RNF217: variants seen among roughly 807,000 people sequenced by gnomAD.
RNF217 encodes E3 ubiquitin-protein ligase RNF217.
In RNF217, 31 loss-of-function variants were observed where a neutral mutation model predicts 57.8. The observed-to-expected ratio is 0.54, with a 90% confidence interval of 0.40 to 0.72. The LOEUF (loss-of-function observed/expected upper bound fraction) is 0.72, where lower values mean the gene tolerates loss of function less well. Among genes scored for constraint, RNF217 ranks in the 30% least tolerant of loss-of-function variants. RNF217 has a pLI of 0.00. For synonymous variants in RNF217, 313 were observed against 294.0 expected (o/e 1.06, Z -0.66); for missense variants, 696 against 708.3 (o/e 0.98, Z 0.20).
rs150476150 is a variant in RNF217, at chr6:124,967,020, C to T, written c.882+3594C>T. On this transcript the variant is annotated intron_variant, in intron 1 of 5. Transcript: ENST00000521654. Reference sequence around the variant, plus strand: ...GCTGCCATCCAGTTTCTGATCGCCACGGTGAAGAGGTGAGCTGACAGATTA... The same window carrying T: ...GCTGCCATCCAGTTTCTGATCGCCATGGTGAAGAGGTGAGCTGACAGATTA... Among the ~76,000 whole-genome samples the T allele has an allele frequency of 2.4e-3, 360 of 152,280 alleles. 2 individuals carry two copies. The highest frequency in any genetic ancestry group is 8.0e-3 in the African/African-American group (333 of 41,556).
chr6:125,071,484 ATGTGTGTGTGTGTG>A (rs61496685), intron 3 of RNF217, among the ~76,000 whole-genome samples: 3,052 of 136,806 alleles, frequency 0.022, 98 homozygotes, highest in African/African-American at 0.079. Context: ...CTGCCTACAT[ATGTGTGTGTGTGTG>A]TGTGTGTGTG....
chr6:125,023,796 T>C (rs769790024), intron 1 of RNF217, among the ~76,000 whole-genome samples: 21 of 152,142 alleles, frequency 1.4e-4, no homozygotes, highest in Non-Finnish European at 2.1e-4. Context: ...CTGGAGGACA[T>C]TACGTTGAGT....
intron 3 of RNF217, among the ~76,000 whole-genome samples, chr6:125,070,969 A>T (rs1457178979): frequency 6.6e-6 from 1 of 152,202 alleles, no homozygotes; most frequent in Non-Finnish European, 1.5e-5. Flanking sequence ...ATACTGATTT[A>T]GTCATAAAAC....
At chr6:125,061,344 T>A (rs917511664) in intron 3 of RNF217, among the ~76,000 whole-genome samples, 2 of 151,836 alleles carry the variant, frequency 1.3e-5, no homozygotes, top group Admixed American at 6.6e-5. Flanking sequence ...AAGTATTTTT[T>A]AAATATTAAT....
chr6:125,009,320 C>A, intron 1 of RNF217: 1 of 1,371,128 alleles, frequency 7.3e-7, no homozygotes, highest in Non-Finnish European at 1.0e-6. Context: ...TTTATTTGTG[C>A]TGCAGGAGCC....
At chr6:125,028,484 T>C (rs1786208661) in intron 1 of RNF217, among the ~76,000 whole-genome samples, 1 of 152,166 alleles carries the variant, frequency 6.6e-6, no homozygotes, top group South Asian at 2.1e-4. Flanking sequence ...GGAACTATAC[T>C]GAATGAATAT....
intron 2 of RNF217, chr6:125,048,090 CTG>C (rs778535008): frequency 1.0e-4 from 71 of 694,172 alleles, no homozygotes; most frequent in Non-Finnish European, 1.5e-4. Flanking sequence ...TCATTAAACT[CTG>C]TGGTTTATGT....
At chr6:125,039,842 A>G (rs989884071) in intron 1 of RNF217, among the ~76,000 whole-genome samples, 2 of 152,326 alleles carry the variant, frequency 1.3e-5, no homozygotes, top group South Asian at 2.1e-4. Context: ...CTGCTCCTGA[A>G]TGACTCCTGG....
chr6:125,050,248 G>A (rs1183359568), intron 2 of RNF217, among the ~76,000 whole-genome samples: 1 of 151,930 alleles, frequency 6.6e-6, no homozygotes, highest in African/African-American at 2.4e-5. Context: ...TTATCAACAT[G>A]TTAGAGAACA....
intron 1 of RNF217, among the ~76,000 whole-genome samples, chr6:125,009,973 C>G (rs544505362): frequency 6.9e-6 from 1 of 144,614 alleles, no homozygotes; most frequent in East Asian, 2.0e-4. Context: ...GAATTGAAGA[C>G]AGCTTAGCAT....
At chr6:125,082,673 G>T in intron 5 of RNF217, 191 bp from the exon 6 acceptor site, 2 of 1,473,988 alleles carry the variant, frequency 1.4e-6, no homozygotes, top group Non-Finnish European at 1.8e-6. Context: ...ATCACTGAGG[G>T]TGCTAAAGGG....
chr6:125,005,864 T>A (rs1785159325), intron 1 of RNF217, among the ~76,000 whole-genome samples: 2 of 152,338 alleles, frequency 1.3e-5, no homozygotes, highest in South Asian at 4.1e-4. Flanking sequence ...TTATTATTTA[T>A]ACTGGAAATT....
chr6:125,076,670 G>A lies in RNF217; in HGVS notation c.1295G>A (p.Arg432Gln), dbSNP rs751934851. 2.5e-6 allele frequency: 4 copies of A among 1,608,462 alleles called. No homozygotes were observed. The highest frequency in any genetic ancestry group is 1.7e-5 in the Admixed American group (1 of 59,868). The change falls in exon 4 of 6, where the codon CGA (arginine) becomes CAA (glutamine). Residue 432 changes from arginine to glutamine, a missense_variant. Arg to Gln is a conservative substitution (Grantham distance 43, BLOSUM62 1). Around this residue, in one of 2 missense-constraint regions of RNF217, gnomAD observed 231 missense variants for 321.4 expected, o/e 0.72. Coordinates refer to ENST00000521654, the MANE Select transcript of RNF217 (RefSeq NM_001286398.3). ...TTGCTGATACAGATCCACATCCAGC[G>A]AACTGAAGGATGTGACCATATGACC... ...KCPKCKIHIQ[R>Q]TEGCDHMTCS...
At chr6:125,041,575 A>G (rs781359594) in intron 1 of RNF217, among the ~76,000 whole-genome samples, 1 of 152,072 alleles carries the variant, frequency 6.6e-6, no homozygotes, top group Non-Finnish European at 1.5e-5. Context: ...GCAGAGGCAA[A>G]TCAGACACCT....
intron 1 of RNF217, among the ~76,000 whole-genome samples, chr6:125,016,711 A>G (rs1261455236): frequency 2.7e-5 from 4 of 150,756 alleles, no homozygotes; most frequent in African/African-American, 9.8e-5. Context: ...ACCTGTTCTC[A>G]CTCATAAGTG....
At chr6:124,993,185 G>A (rs956851972) in intron 1 of RNF217, among the ~76,000 whole-genome samples, 172 of 152,172 alleles carry the variant, frequency 1.1e-3, no homozygotes, top group African/African-American at 4.0e-3. Flanking sequence ...AAACGCATGA[G>A]GCATCTATTA....
In RNF217 at chr6:124,963,377, G is replaced by A; in HGVS notation, c.833G>A (p.Cys278Tyr). The stretch of plus-strand genomic sequence containing the variant: ...AAGCCCATCAAGCCCCTGCCTTGCT[G>A]CAAGAAGGCCGTGTGCGAGGAGTGC... ...EDKPIKPLPC[C>Y]KKAVCEECLK... Residue 278 changes from cysteine (C) to tyrosine (Y), a missense_variant, in exon 1 of 6, where the codon TGC becomes TAC. Cys to Tyr is a radical substitution (Grantham distance 194). This residue lies in a region of RNF217 where 465 missense variants were observed against 386.8 expected (regional missense o/e 1.20). Transcript: ENST00000521654. 2 of 1,515,250 alleles carry A rather than the reference G, an allele frequency of 1.3e-6. No homozygotes were observed. Among genetic ancestry groups the A allele is most frequent in the Non-Finnish European group, 1.8e-6 (2 of 1,137,432 alleles). 93.9% of individuals were successfully genotyped at this position (1,515,250 alleles called of 1,614,324 possible). A position where few individuals can be genotyped will look rare whatever the true frequency, so the allele number is the denominator to read the frequency against.
At chr6:125,082,328 A>G (rs547624720) in intron 5 of RNF217, 25 of 998,404 alleles carry the variant, frequency 2.5e-5, no homozygotes, top group Admixed American at 7.0e-5. Context: ...TCGTATGTCA[A>G]CTTGGGTTTA....
intron 1 of RNF217, among the ~76,000 whole-genome samples, chr6:125,015,292 A>T (rs2114379820): frequency 6.6e-6 from 1 of 152,322 alleles, no homozygotes; most frequent in South Asian, 2.1e-4. Context: ...ATTGATTTTA[A>T]AAACATGGCT....
Sources: allele counts gnomAD v4.1 joint callset (sites outside exome capture counted in the v4.1 genomes callset), GRCh38; gene constraint gnomAD v4.1.1; regional missense constraint gnomAD v4.1.1; transcripts MANE v1.5; gene names NCBI Gene and HGNC (gene_info 2026-07-23, HGNC 2026-07-21).